Variants in ZNF324B observed in about 807,000 individuals in gnomAD.
ZNF324B encodes the protein zinc finger protein 324B.
ZNF324B carries 7 observed loss-of-function variants against 10.6 expected under a neutral mutation model. That is an observed-to-expected ratio of 0.66 (90% CI 0.38 to 1.24). The LOEUF is 1.24. Among genes scored for constraint, ZNF324B ranks in the 50% most tolerant of loss-of-function variants. ZNF324B has a pLI of 0.02. For missense variants in ZNF324B, 640 were observed against 764.7 expected (o/e 0.84, Z 1.92); for synonymous variants, 316 against 321.0 (o/e 0.98, Z 0.17).
At chr19:58,442,849 G>C in the ZNF324B span, 1 of 152,306 alleles carries the variant, frequency 6.6e-6, no homozygotes, top group Non-Finnish European at 1.5e-5. Context: ...GACCCAAAGA[G>C]TGAGCAGCAG....
chr19:58,426,405 C>CA, the ZNF324B span, among the ~76,000 whole-genome samples: 1 of 152,130 alleles, frequency 6.6e-6, no homozygotes. Context: ...TCTGTGTTGT[C>CA]AGAAGTTCTG....
chr19:58,446,873 C>T (rs1380719122), upstream of ZNF324B, among the ~76,000 whole-genome samples: 1 of 151,908 alleles, frequency 6.6e-6, no homozygotes, highest in Non-Finnish European at 1.5e-5. Flanking sequence ...CTGCACCCGA[C>T]CTCTCTCCTT....
At chr19:58,451,949 G>A (rs557810625) in intron 1 of ZNF324B, among the ~76,000 whole-genome samples, 1 of 152,244 alleles carries the variant, frequency 6.6e-6, no homozygotes, top group African/African-American at 2.4e-5. Flanking sequence ...TTCCCTCCCA[G>A]TTGCGGGTTC....
At chr19:58,448,067 A>G (rs2052835628), upstream of ZNF324B, among the ~76,000 whole-genome samples, 1 of 152,244 alleles carries the variant, frequency 6.6e-6, no homozygotes, top group Admixed American at 6.5e-5. Context: ...TGTCCTTATC[A>G]GCAATGTGAA....
intron 1 of ZNF324B, among the ~76,000 whole-genome samples, chr19:58,451,914 CGG>C (rs2052862234): frequency 2.0e-5 from 3 of 152,242 alleles, no homozygotes; most frequent in Non-Finnish European, 4.4e-5. Context: ...GCGGGGATGG[CGG>C]TCCCGGGTGG....
chr19:58,443,652 C>A, the ZNF324B span: 1 of 152,236 alleles, frequency 6.6e-6, no homozygotes, highest in Non-Finnish European at 1.5e-5. Context: ...CGTTTCCTGG[C>A]TAGGTTACCC....
the ZNF324B span, chr19:58,434,134 C>T: frequency 1.2e-6 from 2 of 1,614,092 alleles, no homozygotes; most frequent in East Asian, 4.5e-5. Context: ...AAAAGCTCTT[C>T]CACATTCACT....
At chr19:58,432,738 G>T in the ZNF324B span, 1 of 163,448 alleles carries the variant, frequency 6.1e-6, no homozygotes, top group Non-Finnish European at 1.4e-5. Context: ...GGCAGATTTT[G>T]TGCCCCCAAA....
At chr19:58,453,036 C>T (rs969244741) in intron 1 of ZNF324B, among the ~76,000 whole-genome samples, 2 of 151,758 alleles carry the variant, frequency 1.3e-5, no homozygotes, top group African/African-American at 4.8e-5. Flanking sequence ...GATTGCCCCA[C>T]TGCACTCCAG....
chr19:58,452,436 G>A (rs1163199531), intron 1 of ZNF324B: 1 of 152,132 alleles, frequency 6.6e-6, no homozygotes, highest in Non-Finnish European at 1.5e-5. Context: ...ATGCAGGGGT[G>A]TCGGCATGAA....
the ZNF324B span, chr19:58,433,815 G>A: frequency 1.2e-4 from 189 of 1,613,924 alleles, no homozygotes; most frequent in East Asian, 4.0e-4. Flanking sequence ...CACTACACTC[G>A]TAAGGCTTTT....
the ZNF324B span, among the ~76,000 whole-genome samples, chr19:58,423,809 T>C: frequency 2.0e-5 from 3 of 152,114 alleles, no homozygotes; most frequent in Non-Finnish European, 4.4e-5. Context: ...ATAACATACA[T>C]TGGGAAAGGA....
At chr19:58,425,027 G>A in the ZNF324B span, among the ~76,000 whole-genome samples, 2 of 152,116 alleles carry the variant, frequency 1.3e-5, no homozygotes, top group African/African-American at 2.4e-5. Context: ...AGGCCGAGGC[G>A]GGTGGATCAT....
At chr19:58,451,335 G>A (rs1257490508), upstream of ZNF324B, among the ~76,000 whole-genome samples, 4 of 152,222 alleles carry the variant, frequency 2.6e-5, no homozygotes, top group Non-Finnish European at 5.9e-5. Context: ...TTAGTCTCCA[G>A]GGCTGCTTAG....
At chr19:58,423,288 G>A in the ZNF324B span, among the ~76,000 whole-genome samples, 1 of 152,162 alleles carries the variant, frequency 6.6e-6, no homozygotes, top group Non-Finnish European at 1.5e-5. Flanking sequence ...AGCCTCCAGA[G>A]TAGCTGGGAC....
upstream of ZNF324B, among the ~76,000 whole-genome samples, chr19:58,447,842 G>A (rs745427972): frequency 6.6e-6 from 1 of 152,206 alleles, no homozygotes; most frequent in Non-Finnish European, 1.5e-5. Context: ...CATGGGGGCA[G>A]TTTCCCCACA....
At chr19:58,425,663 G>A in the ZNF324B span, among the ~76,000 whole-genome samples, 4 of 151,512 alleles carry the variant, frequency 2.6e-5, no homozygotes, top group East Asian at 2.0e-4. Flanking sequence ...TAGAAACGCC[G>A]TTTCACCATG....
At chr19:58,427,143 T>C in the ZNF324B span, among the ~76,000 whole-genome samples, 2 of 152,032 alleles carry the variant, frequency 1.3e-5, no homozygotes, top group Non-Finnish European at 2.9e-5. Context: ...TTTTATTATT[T>C]TTTTGAGACG....
At chr19:58,439,863 T>C in the ZNF324B span, 1 of 1,529,080 alleles carries the variant, frequency 6.5e-7, no homozygotes, top group Non-Finnish European at 8.8e-7. Context: ...GGCCGAACCC[T>C]CACACTTCCG....
Sources: allele counts gnomAD v4.1 joint callset (sites outside exome capture counted in the v4.1 genomes callset), GRCh38; gene constraint gnomAD v4.1.1; transcripts MANE v1.5; gene names NCBI Gene and HGNC (gene_info 2026-07-23, HGNC 2026-07-21).